PSMB10: variants seen among roughly 807,000 people sequenced by gnomAD.
The protein encoded by PSMB10 is proteasome 20S subunit beta 10, also known as proteasome subunit beta type-10.
PSMB10 carries 29 observed loss-of-function variants against 29.8 expected under a neutral mutation model. The ratio of observed to expected loss-of-function variants is 0.97; its 90% CI spans 0.73 to 1.33. The LOEUF (loss-of-function observed/expected upper bound fraction) is 1.33, where lower values mean the gene tolerates loss of function less well. PSMB10 is among the 40% of genes most tolerant of loss of function. The pLI is 0.00. For synonymous variants in PSMB10, 157 were observed against 164.7 expected (o/e 0.95, Z 0.36); for missense variants, 327 against 369.2 (o/e 0.89, Z 0.94).
At chr16:67,936,545 C>A in intron 1 of PSMB10, 60 bp from the exon 2 acceptor site, 1 of 1,509,132 alleles carries the variant, frequency 6.6e-7, no homozygotes, top group African/African-American at 1.4e-5. Context: ...TGTTGCTTCC[C>A]CTAACCTGGT....
rs1214654481 is a variant in PSMB10, at chr16:67,936,018, C to T, written c.328G>A (p.Gly110Ser). The T allele has an allele frequency of 6.2e-7, 1 of 1,612,624 alleles. No homozygotes were observed. Among genetic ancestry groups the T allele is most frequent in the Non-Finnish European group, 8.5e-7 (1 of 1,179,424 alleles). ...ACCGTGGCCACGCGGGGCTCGCGGCCCGTAGATAACGCGTGTAGCTCCATC... is the reference window on the plus strand; with the variant it reads ...ACCGTGGCCACGCGGGGCTCGCGGCTCGTAGATAACGCGTGTAGCTCCATC... The part of the protein sequence containing the change: ...SKMELHALST[G>S]REPRVATVTR... Residue 110 changes from glycine to serine, a missense_variant, in exon 4 of 8, where the codon GGC (glycine) becomes AGC (serine). Physicochemically the swap from Gly to Ser is moderately conservative, Grantham distance 56. Coordinates refer to ENST00000358514, the MANE Select transcript of PSMB10 (RefSeq NM_002801.4).
Position 67,934,766 on chromosome 16 carries a change from A to G in PSMB10, c.710+31T>C, listed in dbSNP as rs774066102. 3 of 1,610,110 alleles carry G rather than the reference A, an allele frequency of 1.9e-6. No individual in the cohort carries two copies. The highest frequency in any genetic ancestry group is 2.5e-6 in the Non-Finnish European group (3 of 1,176,736). ...TATCTCCCCTGCTATAGCCCCACACATCCCTGTGGTCCCCGATCTCCAGCT... is the reference window on the plus strand; with the variant it reads ...TATCTCCCCTGCTATAGCCCCACACGTCCCTGTGGTCCCCGATCTCCAGCT... On this transcript the variant is annotated intron_variant, in intron 7 of 7. Transcript: ENST00000358514. This position sits in a 1 kb window ranked among gnomAD's most constrained non-coding sequence, Gnocchi z 4.3.
At chr16:67,935,938 G>C (rs760147515) in intron 4 of PSMB10, 25 bp downstream of exon 4, 2 of 1,594,442 alleles carry the variant, frequency 1.3e-6, no homozygotes, top group South Asian at 2.2e-5. Context: ...CCCCTGCCGG[G>C]GTCCTGTTAG....
intron 3 of PSMB10, 48 bp from the exon 4 acceptor site, chr16:67,936,151 G>A (rs2058262897): frequency 1.2e-6 from 2 of 1,608,626 alleles, no homozygotes; most frequent in Admixed American, 3.3e-5. Flanking sequence ...GACGTGCGGG[G>A]ACCGGAGTGG....
Position 67,934,580 on chromosome 16 carries a change from GCA to G in PSMB10, c.800_801del (p.Val267AlafsTer9), listed in dbSNP as rs749000891. 11 of 1,613,944 alleles carry G rather than the reference GCA, an allele frequency of 6.8e-6. No homozygotes were observed. The Admixed American group carries it at 1.0e-4, about 15-fold the overall frequency. On this transcript the variant is annotated frameshift_variant, in exon 8 of 8. Transcript: ENST00000358514. LOFTEE classifies it high-confidence loss of function. The surrounding 1 kb of genome is among the most constrained non-coding windows in gnomAD (Gnocchi z 4.3). ...PLTLELVEET[V>X]QAMEVE ...TCAGCTTACTCCACCTCCATAGCCT[GCA>G]CAGTTTCCTCCACTAGCTCCAGGGT...
In PSMB10 at chr16:67,935,414, G is replaced by C. The variant is rs1377260536; in HGVS notation, c.558+6C>G. 6.2e-7 allele frequency: 1 copy of C among 1,613,568 alleles called. No individual in the cohort carries two copies. Among genetic ancestry groups the C allele is most frequent in the South Asian group, 1.1e-5 (1 of 91,062 alleles). ...GACCACAAAGTCGGGGACAGAGGCC[G>C]CTCACCGTCATGTTCGGCTGGAACC... On this transcript the variant is annotated splice_donor_region_variant and intron_variant, in intron 6 of 7. Coordinates refer to ENST00000358514, the MANE Select transcript of PSMB10 (RefSeq NM_002801.4).
intron 4 of PSMB10, 109 bp from the exon 5 acceptor site, chr16:67,935,806 G>A: frequency 6.8e-7 from 1 of 1,477,752 alleles, no homozygotes; most frequent in East Asian, 2.4e-5. Flanking sequence ...GGCGCCCGAT[G>A]ACTGACATCG....
At position 67,936,431 on chromosome 16, in the gene PSMB10, C is replaced by A; in HGVS notation, c.111G>T (p.Lys37Asn). The A allele has an allele frequency of 1.9e-6, 3 of 1,613,658 alleles. No homozygotes were observed. Among genetic ancestry groups the A allele is most frequent in the Non-Finnish European group, 2.5e-6 (3 of 1,179,916 alleles). ...LPGLKVPHARKTGTTIAGLVF... is the reference protein window; with the variant it reads ...LPGLKVPHARNTGTTIAGLVF... Reference sequence around the variant, plus strand: ...CCAGGCCCGCGATGGTGGTCCCGGTCTTGCGTGCGTGAGGGACCTTGAGCC... The same window carrying A: ...CCAGGCCCGCGATGGTGGTCCCGGTATTGCGTGCGTGAGGGACCTTGAGCC... The change falls in exon 2 of 8, where the codon AAG (lysine) becomes AAT (asparagine). Residue 37 changes from lysine to asparagine, a missense_variant. By Grantham distance (94) the Lys-to-Asn change is moderately conservative. Coordinates refer to ENST00000358514, the MANE Select transcript of PSMB10 (RefSeq NM_002801.4).
intron 6 of PSMB10, 66 bp from the exon 7 acceptor site, chr16:67,935,014 G>C (rs1211912152): frequency 6.4e-7 from 1 of 1,564,620 alleles, no homozygotes; most frequent in Non-Finnish European, 8.6e-7. Context: ...ACAGCCTGGG[G>C]ACTTGCCTGT....
Position 67,934,673 on chromosome 16 carries a change from TGGGA to T in PSMB10, c.711-6_711-3del, listed in dbSNP as rs772449255. ...GGCACAAAGTGGTAGCGGCCAGACC[TGGGA>T]GGGAGGAGGGACAGCCTCTGAACAT... On this transcript the variant is annotated splice_region_variant and splice_polypyrimidine_tract_variant and intron_variant, in intron 7 of 7. Coordinates refer to ENST00000358514, the MANE Select transcript of PSMB10 (RefSeq NM_002801.4). This position sits in a 1 kb window ranked among gnomAD's most constrained non-coding sequence, Gnocchi z 4.3. 1.2e-6 allele frequency: 2 copies of T among 1,614,012 alleles called. No individual in the cohort carries two copies. The highest frequency in any genetic ancestry group is 3.3e-5 in the Admixed American group (2 of 60,024).
chr16:67,936,330 C>A lies in PSMB10; in HGVS notation c.145-18G>T, dbSNP rs771193356. 1.2e-6 allele frequency: 2 copies of A among 1,611,734 alleles called. No homozygotes were observed. The highest frequency in any genetic ancestry group is 2.7e-5 in the African/African-American group (2 of 74,822). Reference sequence around the variant, plus strand: ...ACCCCGTCCTGAGGAGAGGGAGGGACCGCAGCTTCAGTGCCTGCTCGATAC... The same window carrying A: ...ACCCCGTCCTGAGGAGAGGGAGGGAACGCAGCTTCAGTGCCTGCTCGATAC... On this transcript the variant is annotated intron_variant, in intron 2 of 7. Coordinates refer to ENST00000358514, the MANE Select transcript of PSMB10 (RefSeq NM_002801.4).
intron 6 of PSMB10, chr16:67,935,187 C>T: frequency 4.3e-6 from 3 of 699,424 alleles, no homozygotes; most frequent in Admixed American, 2.9e-5. Flanking sequence ...TCTCTCCGCC[C>T]TCGGCTCCTA....
At chr16:67,935,308 A>C (rs1598199596) in intron 6 of PSMB10, 112 bp downstream of exon 6, 1 of 1,330,026 alleles carries the variant, frequency 7.5e-7, no homozygotes, top group Non-Finnish European at 1.1e-6. Flanking sequence ...TTCAGTGGTC[A>C]CCTCCTCCGA....
intron 6 of PSMB10, chr16:67,935,161 G>GGACC: frequency 1.4e-6 from 1 of 707,716 alleles, no homozygotes; most frequent in Non-Finnish European, 2.3e-6. Flanking sequence ...GATATAAGTA[G>GGACC]GACCCTACTG....
intron 3 of PSMB10, 24 bp downstream of exon 3, chr16:67,936,191 G>C (rs372000649): frequency 3.7e-6 from 6 of 1,612,596 alleles, no homozygotes; most frequent in Non-Finnish European, 4.2e-6. Flanking sequence ...TTTTGCGTAC[G>C]GGAACTGGGC....
chr16:67,934,748 C>G lies in PSMB10; in HGVS notation c.710+49G>C. On this transcript the variant is annotated intron_variant, in intron 7 of 7. Coordinates refer to ENST00000358514, the MANE Select transcript of PSMB10 (RefSeq NM_002801.4). This position sits in a 1 kb window ranked among gnomAD's most constrained non-coding sequence, Gnocchi z 4.3. Reference sequence around the variant, plus strand: ...CCCCTTTTTGCAGCCCCCTATCTCCCCTGCTATAGCCCCACACATCCCTGT... The same window carrying G: ...CCCCTTTTTGCAGCCCCCTATCTCCGCTGCTATAGCCCCACACATCCCTGT... 6.2e-7 allele frequency: 1 copy of G among 1,610,136 alleles called. No homozygotes were observed. Among genetic ancestry groups the G allele is most frequent in the African/African-American group, 1.3e-5 (1 of 74,954 alleles).
rs934226478 is a variant in PSMB10 at position 67,936,253 on chromosome 16, C to T, written c.204G>A (p.Lys68=). ...CGATGAAGTGGATCTTCTCGCAGCT[C>T]TTGTCCGCCACGACCGAATCGTTAG... ...RATNDSVVAD[K]SCEKIHFIAP... is the part of the protein sequence containing the mutation. Residue 68 remains lysine (K), a synonymous_variant, in exon 3 of 8, where the codon AAG becomes AAA. Transcript: ENST00000358514. 1.8e-5 allele frequency: 29 copies of T among 1,613,948 alleles called. No homozygotes were observed. The highest frequency in any genetic ancestry group is 1.6e-4 in the Middle Eastern group (1 of 6,082).
chr16:67,936,663 G>A (rs1006085384), intron 1 of PSMB10, 31 bp downstream of exon 1: 1 of 1,544,926 alleles, frequency 6.5e-7, no homozygotes, highest in African/African-American at 1.4e-5. Flanking sequence ...AGGCGGCTCA[G>A]GAGTGACCGC....
In PSMB10 at chr16:67,936,765, G is replaced by A; in HGVS notation, c.-16C>T. On this transcript the variant is annotated 5_prime_UTR_variant, in exon 1 of 8. Coordinates refer to ENST00000358514, the MANE Select transcript of PSMB10 (RefSeq NM_002801.4). ...GCTTCAGCATCTTGGGGCAGGCAGA[G>A]GGGATTAGGGGTCGCGGGCGGATGA... The A allele has an allele frequency of 6.4e-7, 1 of 1,551,358 alleles. No homozygotes were observed. The highest frequency in any genetic ancestry group is 1.2e-5 in the South Asian group (1 of 84,300).
Sources: allele counts gnomAD v4.1 joint callset, GRCh38; gene constraint gnomAD v4.1.1; non-coding constraint Gnocchi (gnomAD v3.1); transcripts MANE v1.5; gene names NCBI Gene and HGNC (gene_info 2026-07-23, HGNC 2026-07-21).